The following CLPTM1 variants were observed in gnomAD, a reference collection of about 807,000 sequenced individuals.
The protein encoded by CLPTM1 is CLPTM1 regulator of GABA type A receptor forward trafficking.
In CLPTM1, 21 loss-of-function variants were observed where a neutral mutation model predicts 77.3. That is an observed-to-expected ratio of 0.27 (90% CI 0.19 to 0.39). The LOEUF (loss-of-function observed/expected upper bound fraction) is 0.39. CLPTM1 is among the 10% of genes least tolerant of loss of function. The pLI, the probability that CLPTM1 is intolerant of heterozygous loss-of-function variation, is 1.00. For synonymous variants in CLPTM1, 373 were observed against 381.0 expected, an observed-to-expected ratio of 0.98 and a Z score of 0.24; for missense variants, 642 against 921.2, an observed-to-expected ratio of 0.70 and a Z score of 3.92.
chr19:44,972,528 C>G (rs1176957341), intron 2 of CLPTM1, among the ~76,000 whole-genome samples: 1 of 152,204 alleles, frequency 6.6e-6, no homozygotes, highest in Non-Finnish European at 1.5e-5. Context: ...GGATTACAGG[C>G]ATGAGCCGCC....
Position 44,981,434 on chromosome 19 carries a change from T to A in CLPTM1, c.587-3784T>A, listed in dbSNP as rs867889509. Among the ~76,000 whole-genome samples the A allele has an allele frequency of 5.4e-5, 8 of 149,116 alleles. No homozygotes were observed. The South Asian group carries it at 7.0e-4, about 13-fold the overall frequency. On this transcript the variant is annotated intron_variant, in intron 5 of 13. Transcript: ENST00000337392. Reference sequence around the variant, plus strand: ...GGGATTACAGGCGTGAGCCAAAAAATTTTTTTAAATTAGCCAGATATGGTG... The same window carrying A: ...GGGATTACAGGCGTGAGCCAAAAAAATTTTTTAAATTAGCCAGATATGGTG...
At chr19:44,979,948 A>T (rs1163835107) in intron 5 of CLPTM1, among the ~76,000 whole-genome samples, 1 of 152,162 alleles carries the variant, frequency 6.6e-6, no homozygotes, top group Non-Finnish European at 1.5e-5. Flanking sequence ...ACGATCACCT[A>T]ATCATCCCGT....
At chr19:44,960,718 A>G (rs1475749269) in intron 1 of CLPTM1, among the ~76,000 whole-genome samples, 2 of 152,206 alleles carry the variant, frequency 1.3e-5, no homozygotes, top group Non-Finnish European at 2.9e-5. Context: ...GGAGAGGGCC[A>G]GACACTGGAG....
intron 2 of CLPTM1, among the ~76,000 whole-genome samples, chr19:44,967,717 G>C (rs1970656476): frequency 6.6e-6 from 1 of 151,154 alleles, no homozygotes; most frequent in Admixed American, 6.6e-5. Flanking sequence ...TTCTAGACTA[G>C]AGCAGAACTG....
intron 2 of CLPTM1, among the ~76,000 whole-genome samples, chr19:44,964,017 C>T (rs1970586872): frequency 6.6e-6 from 1 of 151,352 alleles, no homozygotes; most frequent in South Asian, 2.1e-4. Context: ...CCACCCGCCT[C>T]AGCCTCCCAA....
At chr19:44,969,672 T>A (rs1970687446) in intron 2 of CLPTM1, among the ~76,000 whole-genome samples, 1 of 149,216 alleles carries the variant, frequency 6.7e-6, no homozygotes, top group Non-Finnish European at 1.5e-5. Context: ...GGAATATTTC[T>A]TCTCTTTAAG....
At chr19:44,954,721 C>T (rs1488617949), upstream of CLPTM1, 2 of 1,221,478 alleles carry the variant, frequency 1.6e-6, no homozygotes, top group South Asian at 2.2e-5. Context: ...ACTGAGGGAA[C>T]GCGCATGCGT....
chr19:44,976,754 C>T (rs538378882), intron 4 of CLPTM1, among the ~76,000 whole-genome samples: 131 of 152,236 alleles, frequency 8.6e-4, no homozygotes, highest in African/African-American at 3.1e-3. Context: ...GGGAGTAGCA[C>T]CCAGGAGCCC....
intron 8 of CLPTM1, chr19:44,987,839 C>G: frequency 1.7e-6 from 1 of 585,192 alleles, no homozygotes. Context: ...GTCCCTTCAC[C>G]CACTCCCCGC....
intron 1 of CLPTM1, among the ~76,000 whole-genome samples, chr19:44,956,877 C>G (rs1295307003): frequency 1.3e-5 from 2 of 152,178 alleles, no homozygotes; most frequent in South Asian, 4.1e-4. Context: ...CTTGCACGAT[C>G]CGACACTTTT....
intron 2 of CLPTM1, among the ~76,000 whole-genome samples, chr19:44,969,758 G>C (rs1212072678): frequency 1.3e-5 from 2 of 150,798 alleles, no homozygotes; most frequent in African/African-American, 2.4e-5. Context: ...CATGATCTCG[G>C]CTCACTGCGA....
In CLPTM1 at chr19:44,990,195, T is replaced by TCCAGGGAG. The variant is rs1971046948; in HGVS notation, c.1133-200_1133-199insCCAGGGAG. ...ACGTCCTATGGGAGGGCTCCAGGGGTGCCGCCTGTCTGGTGCTCTGGGGGT... is the reference window on the plus strand; with the variant it reads ...ACGTCCTATGGGAGGGCTCCAGGGGTCCAGGGAGGCCGCCTGTCTGGTGCTCTGGGGGT... On this transcript the variant is annotated intron_variant, in intron 9 of 13. Coordinates refer to ENST00000337392, the MANE Select transcript of CLPTM1 (RefSeq NM_001294.4). This position sits in a 1 kb window ranked among gnomAD's most constrained non-coding sequence, Gnocchi z 4.8. 1 of 589,558 alleles carries TCCAGGGAG rather than the reference T, an allele frequency of 1.7e-6. No individual in the cohort carries two copies. Among genetic ancestry groups the TCCAGGGAG allele is most frequent in the South Asian group, 2.1e-5 (1 of 46,686 alleles). The allele number at this position is 589,558 out of a possible 1,614,324, so 36.5% of individuals were successfully genotyped here.
Position 44,991,273 on chromosome 19 carries a change from G to C in CLPTM1, c.1455G>C (p.Pro485=). 6.2e-7 allele frequency: 1 copy of C among 1,614,028 alleles called. No individual in the cohort carries two copies. Among genetic ancestry groups the C allele is most frequent in the Non-Finnish European group, 8.5e-7 (1 of 1,179,946 alleles). The change falls in exon 12 of 14, where the codon CCG becomes CCC. Residue 485 remains proline (P), a synonymous_variant. Coordinates refer to ENST00000337392, the MANE Select transcript of CLPTM1 (RefSeq NM_001294.4). This position sits in a 1 kb window ranked among gnomAD's most constrained non-coding sequence, Gnocchi z 5.4. ...AFRYLSWILF[P]LLGCYAVYSL... is the part of the protein sequence containing the mutation. ...GGTACCTGTCCTGGATCCTCTTCCCGCTCCTGGGCTGCTATGCCGTCTACA... is the reference window on the plus strand; with the variant it reads ...GGTACCTGTCCTGGATCCTCTTCCCCCTCCTGGGCTGCTATGCCGTCTACA...
chr19:44,977,930 C>T (rs185344596), intron 5 of CLPTM1, among the ~76,000 whole-genome samples: 38 of 152,004 alleles, frequency 2.5e-4, no homozygotes, highest in Admixed American at 4.6e-4. Flanking sequence ...GCCTGGGAAA[C>T]ATGACAAAAC....
chr19:44,979,705 C>G (rs1307746717), intron 5 of CLPTM1, among the ~76,000 whole-genome samples: 1 of 152,096 alleles, frequency 6.6e-6, no homozygotes, highest in South Asian at 2.1e-4. Context: ...GTGAGTGTGT[C>G]TGAAGAATGT....
chr19:44,991,031 C>A lies in CLPTM1; in HGVS notation c.1419+86C>A. On this transcript the variant is annotated intron_variant, in intron 11 of 13. Transcript: ENST00000337392. The surrounding 1 kb of genome is among the most constrained non-coding windows in gnomAD (Gnocchi z 5.4). ...CACCCGGGGCCGGCCATCTGTCTGCCGGACCCATGCTTTACAGCCTGTGCC... is the reference window on the plus strand; with the variant it reads ...CACCCGGGGCCGGCCATCTGTCTGCAGGACCCATGCTTTACAGCCTGTGCC... The A allele has an allele frequency of 1.5e-6, 2 of 1,333,984 alleles. No individual in the cohort carries two copies. Among genetic ancestry groups the A allele is most frequent in the South Asian group, 1.2e-5 (1 of 82,380 alleles). 82.6% of individuals were successfully genotyped at this position (1,333,984 alleles called of 1,614,324 possible).
chr19:44,972,974 G>T, intron 2 of CLPTM1, 113 bp from the exon 3 acceptor site: 2 of 1,457,070 alleles, frequency 1.4e-6, no homozygotes, highest in Non-Finnish European at 1.9e-6. Context: ...CCCTGACTTG[G>T]TCACTAGCCC....
chr19:44,986,007 T>C (rs923677425), intron 6 of CLPTM1, among the ~76,000 whole-genome samples: 1 of 152,042 alleles, frequency 6.6e-6, no homozygotes, highest in African/African-American at 2.4e-5. Context: ...TCTCTAAGCC[T>C]AGGGAGGAGA....
chr19:44,973,920 C>G (rs771363614), intron 3 of CLPTM1, among the ~76,000 whole-genome samples: 3 of 150,752 alleles, frequency 2.0e-5, no homozygotes, highest in East Asian at 2.0e-4. Flanking sequence ...TGTGCCACCA[C>G]GTCCAGCTAA....
Sources: gnomAD v4.1 joint callset for allele counts (sites outside exome capture counted in the v4.1 genomes callset) on GRCh38, gnomAD v4.1.1 for gene constraint, Gnocchi (gnomAD v3.1) non-coding constraint, MANE v1.5 for transcripts, NCBI Gene and HGNC (gene_info 2026-07-23, HGNC 2026-07-21) for gene names.